Variants in SLC24A3 observed in about 807,000 individuals in gnomAD.
SLC24A3 encodes the protein sodium/potassium/calcium exchanger 3.
A neutral mutation model predicts 75.8 loss-of-function variants in SLC24A3; 28 were observed. The observed-to-expected ratio is 0.37, with a 90% CI of 0.27 to 0.51. The LOEUF is 0.51. SLC24A3 is among the 20% of genes least tolerant of loss of function. The pLI, the probability that SLC24A3 is intolerant of heterozygous loss-of-function variation, is 0.94. For synonymous variants in SLC24A3, 372 were observed against 334.1 expected, an observed-to-expected ratio of 1.11 and a Z score of -1.24; for missense variants, 663 against 847.8, an observed-to-expected ratio of 0.78 and a Z score of 2.71.
At chr20:19,593,094 C>T (rs1172807474) in intron 6 of SLC24A3, among the ~76,000 whole-genome samples, 1 of 152,208 alleles carries the variant, frequency 6.6e-6, no homozygotes, top group Admixed American at 6.5e-5. Context: ...CCGCACATGG[C>T]TGGCAAAGAC....
At chr20:19,359,387 C>A (rs1985746654) in intron 2 of SLC24A3, among the ~76,000 whole-genome samples, 1 of 152,162 alleles carries the variant, frequency 6.6e-6, no homozygotes, top group Admixed American at 6.5e-5. Flanking sequence ...CTTTTCAGTA[C>A]CTTCTCTCCC....
At chr20:19,576,754 A>G (rs1278044161) in intron 3 of SLC24A3, among the ~76,000 whole-genome samples, 2 of 152,190 alleles carry the variant, frequency 1.3e-5, no homozygotes, top group East Asian at 1.9e-4. Flanking sequence ...AATATGTAAT[A>G]CTGGAACATA....
At chr20:19,613,101 A>G (rs1163318857) in intron 6 of SLC24A3, among the ~76,000 whole-genome samples, 2 of 151,964 alleles carry the variant, frequency 1.3e-5, no homozygotes, top group Non-Finnish European at 2.9e-5. Context: ...TGGTCACCCT[A>G]CTCACATGTT....
At chr20:19,520,618 A>C (rs1413334771) in intron 3 of SLC24A3, among the ~76,000 whole-genome samples, 1 of 152,170 alleles carries the variant, frequency 6.6e-6, no homozygotes, top group African/African-American at 2.4e-5. Flanking sequence ...GGCTCCCTAC[A>C]AGTGGAGGTT....
intron 2 of SLC24A3, among the ~76,000 whole-genome samples, chr20:19,326,156 G>A (rs1367204701): frequency 1.3e-5 from 2 of 151,912 alleles, no homozygotes; most frequent in African/African-American, 2.4e-5. Flanking sequence ...TGGCATCCAG[G>A]GCCTGTAAGC....
intron 8 of SLC24A3, among the ~76,000 whole-genome samples, chr20:19,668,957 T>C (rs920688730): frequency 5.0e-4 from 76 of 152,138 alleles, no homozygotes; most frequent in African/African-American, 1.5e-3. Context: ...TTGGCACACT[T>C]CCACCTTGCA....
At chr20:19,262,246 C>G (rs893408626) in intron 1 of SLC24A3, among the ~76,000 whole-genome samples, 1 of 147,646 alleles carries the variant, frequency 6.8e-6, no homozygotes, top group Admixed American at 6.8e-5. Flanking sequence ...TACTAAAAAA[C>G]ACAAAAAAAT....
At chr20:19,609,445 G>T (rs1016496693) in intron 6 of SLC24A3, among the ~76,000 whole-genome samples, 4 of 151,942 alleles carry the variant, frequency 2.6e-5, no homozygotes, top group Non-Finnish European at 5.9e-5. Flanking sequence ...TACATGTGCA[G>T]ACTGTGCAGG....
At chr20:19,336,380 C>G (rs1414707907) in intron 2 of SLC24A3, among the ~76,000 whole-genome samples, 1 of 152,120 alleles carries the variant, frequency 6.6e-6, no homozygotes, top group African/African-American at 2.4e-5. Flanking sequence ...CTGACTCCTG[C>G]CCTGGGCATT....
At chr20:19,244,950 G>A (rs185933812) in intron 1 of SLC24A3, among the ~76,000 whole-genome samples, 41 of 152,278 alleles carry the variant, frequency 2.7e-4, no homozygotes, top group African/African-American at 8.4e-4. Flanking sequence ...AGAAATGTCC[G>A]TTTTAATGAC....
At chr20:19,287,027 T>C (rs1374516272) in intron 2 of SLC24A3, among the ~76,000 whole-genome samples, 2 of 152,266 alleles carry the variant, frequency 1.3e-5, no homozygotes, top group East Asian at 1.9e-4. Flanking sequence ...ACTAATGTGA[T>C]CTGCTTTTTA....
chr20:19,470,004 G>A (rs1987840445), intron 2 of SLC24A3, among the ~76,000 whole-genome samples: 1 of 152,142 alleles, frequency 6.6e-6, no homozygotes, highest in Non-Finnish European at 1.5e-5. Context: ...GGTTCAGCCA[G>A]GGACCCTTGC....
chr20:19,402,667 G>T (rs1986573951), intron 2 of SLC24A3, among the ~76,000 whole-genome samples: 1 of 152,178 alleles, frequency 6.6e-6, no homozygotes, highest in African/African-American at 2.4e-5. Context: ...ACAGATGAAA[G>T]CTGTAAAAAT....
At chr20:19,480,306 A>G (rs1988033015) in intron 2 of SLC24A3, among the ~76,000 whole-genome samples, 2 of 152,150 alleles carry the variant, frequency 1.3e-5, no homozygotes, top group Non-Finnish European at 2.9e-5. Context: ...CCTTTGGACT[A>G]GAGGAGAGGT....
chr20:19,452,062 C>T (rs1987491351), intron 2 of SLC24A3, among the ~76,000 whole-genome samples: 1 of 152,204 alleles, frequency 6.6e-6, no homozygotes, highest in Non-Finnish European at 1.5e-5. Context: ...AGCGCGAGAA[C>T]ATAATTCAAA....
chr20:19,544,134 G>A (rs990211078), intron 3 of SLC24A3, among the ~76,000 whole-genome samples: 3 of 152,090 alleles, frequency 2.0e-5, no homozygotes, highest in Admixed American at 2.0e-4. Context: ...TTTTACCTCC[G>A]AAGGGTTTTT....
chr20:19,637,538 T>G (rs2032016158), intron 6 of SLC24A3, among the ~76,000 whole-genome samples: 1 of 152,208 alleles, frequency 6.6e-6, no homozygotes, highest in South Asian at 2.1e-4. Context: ...ACAAAAATAT[T>G]ATGTTCCTAG....
At chr20:19,280,560 A>G (rs567711411) in intron 1 of SLC24A3, among the ~76,000 whole-genome samples, 25 of 152,282 alleles carry the variant, frequency 1.6e-4, no homozygotes, top group African/African-American at 4.8e-4. Flanking sequence ...CTACAATGGG[A>G]ATATTGACAC....
At chr20:19,625,481 A>G (rs1219329785) in intron 6 of SLC24A3, among the ~76,000 whole-genome samples, 1 of 152,194 alleles carries the variant, frequency 6.6e-6, no homozygotes, top group Non-Finnish European at 1.5e-5. Context: ...TTGAAGTTAT[A>G]TAATATACTA....
Sources: gnomAD v4.1 joint callset for allele counts (sites outside exome capture counted in the v4.1 genomes callset) on GRCh38, gnomAD v4.1.1 for gene constraint, MANE v1.5 for transcripts, NCBI Gene and HGNC (gene_info 2026-07-23, HGNC 2026-07-21) for gene names.